Variants in NOX4 observed in about 807,000 individuals in gnomAD.
NOX4 encodes the protein NADPH oxidase 4.
A neutral mutation model predicts 87.6 loss-of-function variants in NOX4; 69 were observed. The observed-to-expected ratio is 0.79, with a 90% CI of 0.65 to 0.96. The LOEUF is 0.96. Among genes scored for constraint, NOX4 ranks in the 40% least tolerant of loss-of-function variants. The pLI is 0.00. For missense variants in NOX4, 680 were observed against 681.5 expected, an observed-to-expected ratio of 1.00 and a Z score of 0.02; for synonymous variants, 275 against 238.2, an observed-to-expected ratio of 1.15 and a Z score of -1.42.
intron 4 of NOX4, among the ~76,000 whole-genome samples, chr11:89,447,492 C>T (rs1299123401): frequency 1.3e-5 from 2 of 152,144 alleles, no homozygotes; most frequent in Admixed American, 6.6e-5. Context: ...AAGCACTTTA[C>T]ATAGATTTTC....
At chr11:89,457,647 G>A (rs980054555) in intron 2 of NOX4, among the ~76,000 whole-genome samples, 4 of 152,132 alleles carry the variant, frequency 2.6e-5, no homozygotes, top group East Asian at 1.9e-4. Context: ...TCAGTCTACT[G>A]AACCTACCTC....
At chr11:89,488,720 C>A (rs1946728027) in intron 2 of NOX4, among the ~76,000 whole-genome samples, 1 of 152,088 alleles carries the variant, frequency 6.6e-6, no homozygotes, top group African/African-American at 2.4e-5. Flanking sequence ...AAAGAGTTTT[C>A]TCCAAGTTGT....
chr11:89,356,069 C>G (rs1173405531), intron 12 of NOX4, among the ~76,000 whole-genome samples: 1 of 152,068 alleles, frequency 6.6e-6, no homozygotes, highest in East Asian at 1.9e-4. Flanking sequence ...TGTAACAGAA[C>G]ATAATTTTTA....
intron 4 of NOX4, among the ~76,000 whole-genome samples, chr11:89,444,945 T>C (rs952557347): frequency 5.3e-5 from 8 of 152,102 alleles, no homozygotes; most frequent in African/African-American, 1.7e-4. Context: ...AAAAATTATT[T>C]TGAGGAGGTT....
Position 89,414,217 on chromosome 11 carries a change from G to C in NOX4, c.629+7685C>G, listed in dbSNP as rs543804304. On this transcript the variant is annotated intron_variant, in intron 8 of 17. Transcript: ENST00000263317. Reference sequence around the variant, plus strand: ...AAAGTCAAAATACCAAAATGTGTGGGATAGCAAAACTATGGTAATTCACAA... The same window carrying C: ...AAAGTCAAAATACCAAAATGTGTGGCATAGCAAAACTATGGTAATTCACAA... Among the ~76,000 whole-genome samples, 7 of 152,112 alleles carry C rather than the reference G, an allele frequency of 4.6e-5. No homozygotes were observed. The East Asian group carries it at 1.4e-3, about 29-fold the overall frequency.
rs181450606 is a variant in NOX4, at chr11:89,450,009, G to A, written c.265-485C>T. On this transcript the variant is annotated intron_variant, in intron 3 of 17. Coordinates refer to ENST00000263317, the MANE Select transcript of NOX4 (RefSeq NM_016931.5). The stretch of plus-strand genomic sequence containing the variant: ...TTAAAATGAAGCAATCTCATCTATA[G>A]TTTGAAATGCCTGTTTGATCTTATA... Among the ~76,000 whole-genome samples the A allele has an allele frequency of 2.0e-5, 3 of 152,238 alleles. No individual in the cohort carries two copies. The East Asian group carries it at 5.8e-4, about 29-fold the overall frequency.
chr11:89,422,055 TA>T, intron 7 of NOX4, 73 bp from the exon 8 acceptor site: 1 of 794,920 alleles, frequency 1.3e-6, no homozygotes, highest in South Asian at 1.9e-5. Flanking sequence ...AAATACCATG[TA>T]TCATTTCAAA....
At chr11:89,414,482 C>A (rs1942655405) in intron 8 of NOX4, among the ~76,000 whole-genome samples, 1 of 151,770 alleles carries the variant, frequency 6.6e-6, no homozygotes, top group Non-Finnish European at 1.5e-5. Context: ...TTTATAAAGA[C>A]ACACTGGCAA....
chr11:89,464,261 T>C (rs1207540300), intron 2 of NOX4, among the ~76,000 whole-genome samples: 3 of 152,102 alleles, frequency 2.0e-5, no homozygotes, highest in Non-Finnish European at 4.4e-5. Context: ...TAACATCAAC[T>C]TCTTTACGAT....
chr11:89,541,113 A>G, the NOX4 span, among the ~76,000 whole-genome samples: 2 of 152,114 alleles, frequency 1.3e-5, no homozygotes, highest in African/African-American at 4.8e-5. Flanking sequence ...GGCCCTCAAA[A>G]TCCTCTTAAA....
chr11:89,510,171 C>G, the NOX4 span, among the ~76,000 whole-genome samples: 1 of 152,072 alleles, frequency 6.6e-6, no homozygotes, highest in Non-Finnish European at 1.5e-5. Flanking sequence ...AGTGATAGCA[C>G]TTTCAAGCGT....
rs964272150 is a variant in NOX4, at chr11:89,421,381, T to G, written c.629+521A>C. Among the ~76,000 whole-genome samples, 8 of 152,204 alleles carry G rather than the reference T, an allele frequency of 5.3e-5. No homozygotes were observed. In the East Asian group the frequency reaches 5.8e-4, roughly 11 times the overall value. ...TTTAGGTATACTCTTTGTAATAAGC[T>G]TAGGATACATTATTTTTTCACTTTA... On this transcript the variant is annotated intron_variant, in intron 8 of 17. Transcript: ENST00000263317.
chr11:89,419,073 G>A (rs1400686007), intron 8 of NOX4, among the ~76,000 whole-genome samples: 1 of 151,988 alleles, frequency 6.6e-6, no homozygotes, highest in African/African-American at 2.4e-5. Flanking sequence ...TTTATAATAT[G>A]TCTAGCTTTT....
rs187575770 is a variant in NOX4 at position 89,363,718 on chromosome 11, T to C, written c.1136-8675A>G. ...AATTAAAGGGCAAACTTAGAGTATA[T>C]CCATACCAACTAGAAAGATATGGAG... is the stretch of plus-strand genomic sequence containing the variant. On this transcript the variant is annotated intron_variant, in intron 12 of 17. Coordinates refer to ENST00000263317, the MANE Select transcript of NOX4 (RefSeq NM_016931.5). 1.8e-4 allele frequency among the ~76,000 whole-genome samples: 28 copies of C among 152,190 alleles called. No individual in the cohort carries two copies. The East Asian group carries it at 5.0e-3, about 27-fold the overall frequency.
intron 17 of NOX4, among the ~76,000 whole-genome samples, chr11:89,334,911 A>T (rs1386450272): frequency 1.3e-5 from 2 of 151,742 alleles, no homozygotes; most frequent in African/African-American, 4.8e-5. Flanking sequence ...ATGGGACAGA[A>T]ATACAACTTA....
At chr11:89,393,623 A>G (rs1941275746) in intron 11 of NOX4, among the ~76,000 whole-genome samples, 1 of 152,198 alleles carries the variant, frequency 6.6e-6, no homozygotes, top group Non-Finnish European at 1.5e-5. Context: ...TTTTAAGATT[A>G]TGAAAGTAAT....
chr11:89,567,483 G>A, the NOX4 span, among the ~76,000 whole-genome samples: 1 of 152,186 alleles, frequency 6.6e-6, no homozygotes, highest in East Asian at 1.9e-4. Flanking sequence ...AAGAAAAGAG[G>A]TTTAGTTGAC....
At chr11:89,406,058 T>C (rs1321693502) in intron 8 of NOX4, among the ~76,000 whole-genome samples, 2 of 152,262 alleles carry the variant, frequency 1.3e-5, no homozygotes, top group African/African-American at 4.8e-5. Context: ...TTATGTGTTA[T>C]TTTTCAAGCT....
intron 5 of NOX4, among the ~76,000 whole-genome samples, chr11:89,441,091 C>G (rs1052428743): frequency 7.9e-5 from 12 of 152,098 alleles, no homozygotes. Context: ...CTACCAAAAC[C>G]GTGAAACTGC....
Sources: gnomAD v4.1 joint callset for allele counts (sites outside exome capture counted in the v4.1 genomes callset) on GRCh38, gnomAD v4.1.1 for gene constraint, MANE v1.5 for transcripts, NCBI Gene and HGNC (gene_info 2026-07-23, HGNC 2026-07-21) for gene names.